The following PPP1CC variants were observed in gnomAD, a reference collection of about 807,000 sequenced individuals.
PPP1CC encodes the protein protein phosphatase 1 catalytic subunit gamma.
In PPP1CC, 16 loss-of-function variants were observed where a neutral mutation model predicts 38.4. The ratio of observed to expected loss-of-function variants is 0.42; its 90% confidence interval spans 0.28 to 0.63. The LOEUF is 0.63. Ranked by LOEUF, PPP1CC falls within the 30% of genes least tolerant of loss-of-function variation. The pLI, the probability that PPP1CC is intolerant of heterozygous loss-of-function variation, is 0.25. For missense variants in PPP1CC, 170 were observed against 391.3 expected, an observed-to-expected ratio of 0.43 and a Z score of 4.77; for synonymous variants, 158 against 136.0, an observed-to-expected ratio of 1.16 and a Z score of -1.13.
At position 110,720,607 on chromosome 12, in the gene PPP1CC, T is replaced by C. The variant is rs555288859; in HGVS notation, c.*469A>G. ...ACAATGAGAGGAAAAAGCAATCCCT[T>C]TGAAACAAAATTCTCAAATAAAAAA... is the stretch of plus-strand genomic sequence containing the variant. On this transcript the variant is annotated 3_prime_UTR_variant, in exon 7 of 7. Coordinates refer to ENST00000335007, the MANE Select transcript of PPP1CC (RefSeq NM_002710.4). 6 of 198,148 alleles carry C rather than the reference T, an allele frequency of 3.0e-5. No individual in the cohort carries two copies. The highest frequency in any genetic ancestry group is 1.1e-4 in the Admixed American group (2 of 18,446). The allele number at this position is 198,148 out of a possible 1,614,324, so 12.3% of individuals were successfully genotyped here. A position where few individuals can be genotyped will look rare whatever the true frequency, so the allele number is the denominator to read the frequency against.
At chr12:110,738,179 C>A (rs2069970062) in intron 1 of PPP1CC, among the ~76,000 whole-genome samples, 1 of 152,044 alleles carries the variant, frequency 6.6e-6, no homozygotes, top group African/African-American at 2.4e-5. Flanking sequence ...GACAGTAAAC[C>A]CCAGTGAAGT....
chr12:110,715,881 A>G (rs1042568507), downstream of PPP1CC, among the ~76,000 whole-genome samples: 15 of 152,128 alleles, frequency 9.9e-5, no homozygotes, highest in African/African-American at 3.4e-4. Flanking sequence ...TTGGCCTCCC[A>G]AAGTGCTGGG....
At chr12:110,735,117 G>C (rs1193383586) in intron 1 of PPP1CC, 1 of 148,342 alleles carries the variant, frequency 6.7e-6, no homozygotes, top group Non-Finnish European at 1.5e-5. Flanking sequence ...GCAGTGATGC[G>C]ATCGTGGCTC....
Position 110,740,701 on chromosome 12 carries a change from A to C in PPP1CC, c.55+1952T>G, listed in dbSNP as rs12426556. On this transcript the variant is annotated intron_variant, in intron 1 of 6. Coordinates refer to ENST00000335007, the MANE Select transcript of PPP1CC (RefSeq NM_002710.4). ...ACATAACAAGAGGAACTATTAAGAA[A>C]CAATGATCTCATTTTAGATGTATCA... is the stretch of plus-strand genomic sequence containing the variant. Among the ~76,000 whole-genome samples, 9 of 152,362 alleles carry C rather than the reference A, an allele frequency of 5.9e-5. No individual in the cohort carries two copies. The East Asian group carries it at 1.5e-3, about 26-fold the overall frequency.
Position 110,722,414 on chromosome 12 carries a change from G to C in PPP1CC, c.747+58C>G, listed in dbSNP as rs1375429305. 2 of 1,585,752 alleles carry C rather than the reference G, an allele frequency of 1.3e-6. No homozygotes were observed. The highest frequency in any genetic ancestry group is 2.7e-5 in the African/African-American group (2 of 74,268). ...ATACCTACCCACCAAAATCAACAAG[G>C]AGAATCTGTGCTCACACACATGCTC... On this transcript the variant is annotated intron_variant, in intron 5 of 6. Transcript: ENST00000335007. The surrounding 1 kb of genome is among the most constrained non-coding windows in gnomAD (Gnocchi z 5.4).
At chr12:110,724,457 T>C (rs555619640) in intron 4 of PPP1CC, among the ~76,000 whole-genome samples, 1 of 152,316 alleles carries the variant, frequency 6.6e-6, no homozygotes, top group South Asian at 2.1e-4. Flanking sequence ...TTACAGAGTC[T>C]AGAATTCCCT....
In PPP1CC at chr12:110,721,200, T is replaced by A. The variant is rs200416626; in HGVS notation, c.883-35A>T. On this transcript the variant is annotated intron_variant, in intron 6 of 6. Coordinates refer to ENST00000335007, the MANE Select transcript of PPP1CC (RefSeq NM_002710.4). The stretch of plus-strand genomic sequence containing the variant: ...CAAAAGACAGTTAATTTAGGAAATA[T>A]ACTCAACCCCAAATCTTAAGAGTCC... 8 of 1,553,728 alleles carry A rather than the reference T, an allele frequency of 5.1e-6. No homozygotes were observed. In the African/African-American group the frequency reaches 6.8e-5, roughly 13 times the overall value.
chr12:110,731,692 A>G, intron 2 of PPP1CC, 78 bp downstream of exon 2: 1 of 1,467,364 alleles, frequency 6.8e-7, no homozygotes, highest in Non-Finnish European at 9.2e-7. Context: ...TCTGCTAGCT[A>G]ATACAAGGTC....
chr12:110,741,174 A>T (rs1297308643), intron 1 of PPP1CC, among the ~76,000 whole-genome samples: 1 of 150,832 alleles, frequency 6.6e-6, no homozygotes, highest in Non-Finnish European at 1.5e-5. Context: ...GTCCTTAATG[A>T]CATTTAGTGT....
At chr12:110,716,650 A>G (rs1011631333), downstream of PPP1CC, among the ~76,000 whole-genome samples, 1 of 152,214 alleles carries the variant, frequency 6.6e-6, no homozygotes, top group Non-Finnish European at 1.5e-5. Flanking sequence ...CACTGCACCC[A>G]GCCTAGTTTT....
In PPP1CC at chr12:110,719,958, G is replaced by C; in HGVS notation, c.*1118C>G. On this transcript the variant is annotated 3_prime_UTR_variant, in exon 7 of 7. Coordinates refer to ENST00000335007, the MANE Select transcript of PPP1CC (RefSeq NM_002710.4). The stretch of plus-strand genomic sequence containing the variant: ...GAATTCATTTTCACCACACGGTATT[G>C]TACACGGTCATCTGTTGAAACAGAT... 1.7e-6 allele frequency: 1 copy of C among 597,676 alleles called. No homozygotes were observed. The allele number at this position is 597,676 out of a possible 1,614,324, so 37.0% of individuals were successfully genotyped here.
intron 1 of PPP1CC, among the ~76,000 whole-genome samples, chr12:110,739,731 A>C (rs910722728): frequency 2.7e-4 from 41 of 152,298 alleles, no homozygotes; most frequent in African/African-American, 9.9e-4. Flanking sequence ...CAAGATGTGA[A>C]GTAAGTTACA....
chr12:110,709,085 A>G, the PPP1CC span, among the ~76,000 whole-genome samples: 1 of 152,180 alleles, frequency 6.6e-6, no homozygotes, highest in Non-Finnish European at 1.5e-5. Context: ...GGAACAATAG[A>G]AACAACAGAT....
downstream of PPP1CC, among the ~76,000 whole-genome samples, chr12:110,714,784 C>T (rs558720173): frequency 2.2e-3 from 253 of 115,136 alleles, 3 homozygotes; most frequent in African/African-American, 8.3e-3. Flanking sequence ...CCAGCCTGGG[C>T]GACAGAGCAA....
intron 1 of PPP1CC, chr12:110,732,251 A>G (rs752275865): frequency 2.0e-4 from 71 of 358,470 alleles, no homozygotes; most frequent in Non-Finnish European, 2.6e-4. Flanking sequence ...TGAGGTCAAG[A>G]GATCCAGACC....
chr12:110,708,850 C>CAAAAAAAAAAA, the PPP1CC span, among the ~76,000 whole-genome samples: 3 of 65,418 alleles, frequency 4.6e-5, no homozygotes, highest in African/African-American at 9.5e-5. Context: ...GAGTCCATCT[C>CAAAAAAAAAAA]AAAAAAAAAA....
Position 110,730,638 on chromosome 12 carries a change from C to A in PPP1CC, c.309G>T (p.Thr103=). 3.1e-6 allele frequency: 5 copies of A among 1,614,128 alleles called. No individual in the cohort carries two copies. The highest frequency in any genetic ancestry group is 4.2e-6 in the Non-Finnish European group (5 of 1,179,996). Residue 103 remains threonine, a synonymous_variant, in exon 3 of 7, where the codon ACG becomes ACT. Transcript: ENST00000335007. ...TTTTGTAGGCCAGTAAGAGGCAGAT[C>A]GTCTCCAATGACTGCTTTCCCCTGT... ...YVDRGKQSLE[T]ICLLLAYKIK... is the part of the protein sequence containing the mutation.
rs2070037208 is a variant in PPP1CC at position 110,742,877 on chromosome 12, T to C, written c.-170A>G. Reference sequence around the variant, plus strand: ...CCCTACTTCCTCCTTCTCTCCCCACTGGAACCACGAGAAGAACAAAATGGC... The same window carrying C: ...CCCTACTTCCTCCTTCTCTCCCCACCGGAACCACGAGAAGAACAAAATGGC... On this transcript the variant is annotated 5_prime_UTR_variant, in exon 1 of 7. Transcript: ENST00000335007. 1 of 429,918 alleles carries C rather than the reference T, an allele frequency of 2.3e-6. No homozygotes were observed. Among genetic ancestry groups the C allele is most frequent in the Non-Finnish European group, 4.0e-6 (1 of 249,462 alleles). The allele number at this position is 429,918 out of a possible 1,614,324, so 26.6% of individuals were successfully genotyped here. A position where few individuals can be genotyped will look rare whatever the true frequency, so the allele number is the denominator to read the frequency against.
At chr12:110,741,110 T>C (rs1422342541) in intron 1 of PPP1CC, among the ~76,000 whole-genome samples, 1 of 152,186 alleles carries the variant, frequency 6.6e-6, no homozygotes, top group Non-Finnish European at 1.5e-5. Context: ...GACAAGGTTT[T>C]CACCTACAAT....
Sources: gnomAD v4.1 joint callset for allele counts (sites outside exome capture counted in the v4.1 genomes callset) on GRCh38, gnomAD v4.1.1 for gene constraint, Gnocchi (gnomAD v3.1) non-coding constraint, MANE v1.5 for transcripts, NCBI Gene and HGNC (gene_info 2026-07-23, HGNC 2026-07-21) for gene names.